CNTNAP2: variants seen among roughly 807,000 people sequenced by gnomAD.
The protein encoded by CNTNAP2 is contactin-associated protein-like 2.
Under a neutral mutation model 155.2 loss-of-function variants are expected in CNTNAP2, and 98 were observed. That is an observed-to-expected ratio of 0.63 (90% confidence interval 0.54 to 0.75). The LOEUF (loss-of-function observed/expected upper bound fraction) is 0.75, where lower values mean the gene tolerates loss of function less well. Among genes scored for constraint, CNTNAP2 ranks in the 30% least tolerant of loss-of-function variants. CNTNAP2 has a pLI of 0.00. For missense variants in CNTNAP2, 1,727 were observed against 1,688.1 expected (o/e 1.02, Z -0.40); for synonymous variants, 651 against 631.2 (o/e 1.03, Z -0.47).
At chr7:148,334,629 C>CT (rs1798085211) in intron 21 of CNTNAP2, among the ~76,000 whole-genome samples, 1 of 152,172 alleles carries the variant, frequency 6.6e-6, no homozygotes, top group Admixed American at 6.5e-5. Flanking sequence ...GCACTAGCTG[C>CT]TTTAGTTGTG....
At chr7:146,448,464 G>T (rs1796433118) in intron 1 of CNTNAP2, among the ~76,000 whole-genome samples, 1 of 150,524 alleles carries the variant, frequency 6.6e-6, no homozygotes, top group South Asian at 2.1e-4. Flanking sequence ...ATAGAAGATT[G>T]CACTTACCGT....
At chr7:146,151,698 G>GTATATATGTATA (rs1798053292) in intron 1 of CNTNAP2, among the ~76,000 whole-genome samples, 1 of 74,098 alleles carries the variant, frequency 1.3e-5, no homozygotes, top group East Asian at 8.1e-4. Flanking sequence ...ATATATATAT[G>GTATATATGTATA]TATATATATA....
chr7:147,894,392 G>GC (rs1799742423), intron 13 of CNTNAP2, among the ~76,000 whole-genome samples: 1 of 152,124 alleles, frequency 6.6e-6, no homozygotes, highest in African/African-American at 2.4e-5. Context: ...ATCCTGCACT[G>GC]CAAGGGCCTT....
At chr7:147,112,560 C>G (rs1584851239) in intron 5 of CNTNAP2, among the ~76,000 whole-genome samples, 1 of 152,180 alleles carries the variant, frequency 6.6e-6, no homozygotes, top group East Asian at 1.9e-4. Context: ...ACCTAGTTAA[C>G]TGAGAGTTTT....
chr7:147,983,777 G>A lies in CNTNAP2; in HGVS notation c.2383+5788G>A, dbSNP rs1033447601. Among the ~76,000 whole-genome samples, 3 of 152,188 alleles carry A rather than the reference G, an allele frequency of 2.0e-5. No individual in the cohort carries two copies. In the East Asian group the frequency reaches 5.8e-4, roughly 29 times the overall value. ...TGATAGAAAGGAGCATCTGGGTTAA[G>A]ATAAGGGGTTGTGGAGGTCAAGGTA... On this transcript the variant is annotated intron_variant, in intron 15 of 23. Coordinates refer to ENST00000361727, the MANE Select transcript of CNTNAP2 (RefSeq NM_014141.6).
intron 1 of CNTNAP2, among the ~76,000 whole-genome samples, chr7:146,442,572 G>A (rs1796335705): frequency 6.6e-6 from 1 of 152,072 alleles, no homozygotes; most frequent in Admixed American, 6.5e-5. Flanking sequence ...TGTTGAATTG[G>A]TACCTCTTGA....
chr7:147,333,697 G>A (rs1302032973), intron 9 of CNTNAP2, among the ~76,000 whole-genome samples: 3 of 152,044 alleles, frequency 2.0e-5, no homozygotes, highest in Non-Finnish European at 4.4e-5. Flanking sequence ...TTGGTTAATA[G>A]ATTTATCCTA....
At chr7:146,742,008 T>C (rs1269831577) in intron 1 of CNTNAP2, among the ~76,000 whole-genome samples, 2 of 152,064 alleles carry the variant, frequency 1.3e-5, no homozygotes, top group East Asian at 3.9e-4. Flanking sequence ...AAACTCTCCT[T>C]ACTGAACAAA....
intron 8 of CNTNAP2, among the ~76,000 whole-genome samples, chr7:147,175,228 A>G (rs1802314459): frequency 6.6e-6 from 1 of 150,822 alleles, no homozygotes; most frequent in Admixed American, 6.6e-5. Context: ...CATCTAATCA[A>G]TTTCACCTAA....
chr7:147,558,959 T>C (rs1244266170), intron 11 of CNTNAP2, among the ~76,000 whole-genome samples: 2 of 152,120 alleles, frequency 1.3e-5, no homozygotes, highest in Non-Finnish European at 2.9e-5. Flanking sequence ...GCCAGGATGC[T>C]CTTAATCTCT....
chr7:148,112,700 T>C (rs902472477), intron 15 of CNTNAP2, among the ~76,000 whole-genome samples: 1 of 152,114 alleles, frequency 6.6e-6, no homozygotes, highest in Non-Finnish European at 1.5e-5. Context: ...AAGCTTGAAT[T>C]TCAATATAAC....
chr7:146,924,010 C>A (rs886353966), intron 3 of CNTNAP2, among the ~76,000 whole-genome samples: 1 of 152,122 alleles, frequency 6.6e-6, no homozygotes, highest in Non-Finnish European at 1.5e-5. Flanking sequence ...CTTCCCCCAA[C>A]TGTTGTCTCT....
chr7:147,892,573 C>T (rs926682550), intron 13 of CNTNAP2, among the ~76,000 whole-genome samples: 7 of 152,074 alleles, frequency 4.6e-5, no homozygotes, highest in African/African-American at 1.4e-4. Context: ...TTACAAACTC[C>T]CATATAATCT....
At chr7:146,970,395 G>A (rs1196747493) in intron 3 of CNTNAP2, among the ~76,000 whole-genome samples, 1 of 152,020 alleles carries the variant, frequency 6.6e-6, no homozygotes, top group Non-Finnish European at 1.5e-5. Context: ...CAAAAAGTGG[G>A]CAAAGGACAT....
intron 4 of CNTNAP2, among the ~76,000 whole-genome samples, chr7:147,061,905 G>C (rs1488878885): frequency 6.6e-6 from 1 of 151,770 alleles, no homozygotes; most frequent in Non-Finnish European, 1.5e-5. Context: ...GAGGTGGGCG[G>C]ATCACGAGGT....
In CNTNAP2 at chr7:146,588,723, G is replaced by C. The variant is rs1345116853; in HGVS notation, c.98-185548G>C. Among the ~76,000 whole-genome samples the C allele has an allele frequency of 2.6e-5, 4 of 151,992 alleles. No homozygotes were observed. The East Asian group carries it at 5.8e-4, about 22-fold the overall frequency. On this transcript the variant is annotated intron_variant, in intron 1 of 23. Transcript: ENST00000361727. ...AGGATTTTGCCCTGTTGCCCAGGCT[G>C]GTTTCCAACTTGTGGGCTCAAGCTA...
At chr7:147,451,156 G>T (rs996805678) in intron 10 of CNTNAP2, among the ~76,000 whole-genome samples, 7 of 152,054 alleles carry the variant, frequency 4.6e-5, no homozygotes, top group Non-Finnish European at 2.9e-5. Context: ...AAACTACTCT[G>T]GATTAATGTC....
At chr7:147,327,035 A>C (rs1795473787) in intron 9 of CNTNAP2, among the ~76,000 whole-genome samples, 1 of 152,246 alleles carries the variant, frequency 6.6e-6, no homozygotes, top group African/African-American at 2.4e-5. Flanking sequence ...AGAATCCAAT[A>C]GAAAGTATTG....
At chr7:147,502,342 A>G (rs1486533659) in intron 11 of CNTNAP2, among the ~76,000 whole-genome samples, 2 of 152,250 alleles carry the variant, frequency 1.3e-5, no homozygotes, top group African/African-American at 4.8e-5. Flanking sequence ...TTGTGACAAC[A>G]TGGCTAAACC....
Sources: gnomAD v4.1 joint callset for allele counts (sites outside exome capture counted in the v4.1 genomes callset) on GRCh38, gnomAD v4.1.1 for gene constraint, MANE v1.5 for transcripts, NCBI Gene and HGNC (gene_info 2026-07-23, HGNC 2026-07-21) for gene names.